Variants in CRPPA observed in about 807,000 individuals in gnomAD.
CRPPA encodes CDP-L-ribitol pyrophosphorylase A, also known as D-ribitol-5-phosphate cytidylyltransferase.
In CRPPA, 43 loss-of-function variants were observed where a neutral mutation model predicts 52.0. The observed-to-expected ratio is 0.83, with a 90% CI of 0.65 to 1.07. CRPPA has a LOEUF of 1.07. Among genes scored for constraint, CRPPA ranks in the 50% least tolerant of loss-of-function variants. The pLI, the probability that CRPPA is intolerant of heterozygous loss-of-function variation, is 0.00. For missense variants in CRPPA, 629 were observed against 551.7 expected (o/e 1.14, Z -1.40); for synonymous variants, 250 against 203.5 (o/e 1.23, Z -1.94).
intron 6 of CRPPA, among the ~76,000 whole-genome samples, chr7:16,264,579 T>A (rs1242131229): frequency 6.6e-6 from 1 of 152,206 alleles, no homozygotes; most frequent in Non-Finnish European, 1.5e-5. Context: ...TTGGTTCAAT[T>A]CCCATGAGTC....
At chr7:16,150,576 T>C (rs1783058635) in intron 9 of CRPPA, among the ~76,000 whole-genome samples, 1 of 152,172 alleles carries the variant, frequency 6.6e-6, no homozygotes, top group African/African-American at 2.4e-5. Context: ...TTGCTATTTT[T>C]AGAATTAAAA....
chr7:16,275,582 C>A, intron 6 of CRPPA, among the ~76,000 whole-genome samples: 1 of 152,014 alleles, frequency 6.6e-6, no homozygotes, highest in East Asian at 1.9e-4. Flanking sequence ...TATTTCCGCC[C>A]TTTGGGAGGC....
intron 3 of CRPPA, among the ~76,000 whole-genome samples, chr7:16,353,168 C>A (rs984704068): frequency 1.3e-5 from 2 of 151,624 alleles, no homozygotes; most frequent in Non-Finnish European, 2.9e-5. Flanking sequence ...CCAGTCTGGA[C>A]AATATAGGGA....
chr7:16,225,299 T>C (rs890853591), intron 8 of CRPPA, among the ~76,000 whole-genome samples: 1 of 151,990 alleles, frequency 6.6e-6, no homozygotes, highest in Non-Finnish European at 1.5e-5. Flanking sequence ...ATAAAATAAA[T>C]AGTTTTTCAA....
intron 8 of CRPPA, among the ~76,000 whole-genome samples, chr7:16,229,929 T>A (rs1782749180): frequency 6.6e-6 from 1 of 152,114 alleles, no homozygotes; most frequent in African/African-American, 2.4e-5. Context: ...TGACAGTTTT[T>A]TTTCCCCCTT....
At chr7:16,292,265 C>T (rs1784579252) in intron 5 of CRPPA, among the ~76,000 whole-genome samples, 1 of 151,876 alleles carries the variant, frequency 6.6e-6, no homozygotes, top group African/African-American at 2.4e-5. Context: ...TCCTCAAATA[C>T]CAAAGACAAT....
At chr7:16,286,447 C>T (rs1583493098) in intron 5 of CRPPA, among the ~76,000 whole-genome samples, 2 of 151,946 alleles carry the variant, frequency 1.3e-5, no homozygotes, top group Admixed American at 6.6e-5. Context: ...AGAACTTACA[C>T]GGGCAAATGT....
chr7:16,248,223 C>G (rs1230926464), intron 8 of CRPPA: 1 of 152,078 alleles, frequency 6.6e-6, no homozygotes, highest in Non-Finnish European at 1.5e-5. Context: ...CCTGTAGCCT[C>G]AGCTACTCAA....
At chr7:16,344,005 G>T (rs945944558) in intron 3 of CRPPA, among the ~76,000 whole-genome samples, 5 of 152,146 alleles carry the variant, frequency 3.3e-5, no homozygotes, top group Admixed American at 2.6e-4. Context: ...ATCTAGAAGA[G>T]ATTTCAGTAA....
chr7:16,363,402 C>CT (rs1373310504), intron 3 of CRPPA, among the ~76,000 whole-genome samples: 1 of 152,140 alleles, frequency 6.6e-6, no homozygotes, highest in Non-Finnish European at 1.5e-5. Context: ...AACATTGCAG[C>CT]TAGCAGTATT....
intron 2 of CRPPA, among the ~76,000 whole-genome samples, chr7:16,378,577 G>A (rs2128312559): frequency 6.6e-6 from 1 of 152,146 alleles, no homozygotes; most frequent in African/African-American, 2.4e-5. Flanking sequence ...ACATATGTGT[G>A]CATGTGTCTT....
chr7:16,150,404 T>A (rs902043610), intron 9 of CRPPA, among the ~76,000 whole-genome samples: 2 of 152,198 alleles, frequency 1.3e-5, no homozygotes, highest in African/African-American at 4.8e-5. Flanking sequence ...TTGGAAGATG[T>A]TAAAGGGATG....
At chr7:16,314,160 G>A (rs1033665998) in intron 3 of CRPPA, among the ~76,000 whole-genome samples, 1 of 150,328 alleles carries the variant, frequency 6.7e-6, no homozygotes, top group African/African-American at 2.5e-5. Context: ...ATTAGTTTTT[G>A]CCTCACATAT....
chr7:16,107,829 A>G (rs1051277279), intron 9 of CRPPA, among the ~76,000 whole-genome samples: 2 of 152,134 alleles, frequency 1.3e-5, no homozygotes, highest in Non-Finnish European at 2.9e-5. Flanking sequence ...TACATATTAT[A>G]CAATATGAAA....
At chr7:16,421,002 G>T (rs1356183688) in intron 1 of CRPPA, 64 bp downstream of exon 1, 2 of 1,240,822 alleles carry the variant, frequency 1.6e-6, no homozygotes, top group East Asian at 6.3e-5. Context: ...CTAGAGCAGC[G>T]GCAGGGCGGG....
intron 9 of CRPPA, among the ~76,000 whole-genome samples, chr7:16,121,974 T>C (rs998163229): frequency 6.6e-6 from 1 of 152,026 alleles, no homozygotes; most frequent in Non-Finnish European, 1.5e-5. Context: ...TAAGGAACAT[T>C]TAATTATTGC....
intron 6 of CRPPA, among the ~76,000 whole-genome samples, chr7:16,274,329 G>C (rs976943076): frequency 6.6e-6 from 1 of 152,140 alleles, no homozygotes; most frequent in Non-Finnish European, 1.5e-5. Flanking sequence ...TTACGGACGT[G>C]AGCCACCACA....
At chr7:16,375,486 T>C (rs1455900679) in intron 3 of CRPPA, among the ~76,000 whole-genome samples, 1 of 152,208 alleles carries the variant, frequency 6.6e-6, no homozygotes, top group Admixed American at 6.5e-5. Context: ...TTAAGTTACT[T>C]ACTTTTAACT....
At chr7:16,230,105 G>A (rs1349929843) in intron 8 of CRPPA, among the ~76,000 whole-genome samples, 2 of 152,036 alleles carry the variant, frequency 1.3e-5, no homozygotes, top group East Asian at 3.9e-4. Flanking sequence ...ATTATAATAT[G>A]TCTTGGAGAG....
Sources: allele counts gnomAD v4.1 joint callset (sites outside exome capture counted in the v4.1 genomes callset), GRCh38; gene constraint gnomAD v4.1.1; transcripts MANE v1.5; gene names NCBI Gene and HGNC (gene_info 2026-07-23, HGNC 2026-07-21).